PCDHGA3: variants seen among roughly 807,000 people sequenced by gnomAD.
PCDHGA3 encodes protocadherin gamma subfamily A, 3, also known as protocadherin gamma-A3.
Under a neutral mutation model 58.5 loss-of-function variants are expected in PCDHGA3, and 40 were observed. The observed-to-expected ratio is 0.68, with a 90% CI of 0.53 to 0.89. PCDHGA3 has a LOEUF of 0.89. Ranked by LOEUF, PCDHGA3 falls within the 40% of genes least tolerant of loss-of-function variation. The pLI, the probability that PCDHGA3 is intolerant of heterozygous loss-of-function variation, is 0.00. For synonymous variants in PCDHGA3, 530 were observed against 525.7 expected (o/e 1.01, Z -0.11); for missense variants, 1,223 against 1,195.9 (o/e 1.02, Z -0.33).
In PCDHGA3 at chr5:141,489,483, T is replaced by C. The variant is rs2099687756; in HGVS notation, c.2425-5324T>C. ...GCTATTTTTCCCTGAGCTTGATGAGTGGTGCCCTGGCAGTGAATCAAAAGA... is the reference window on the plus strand; with the variant it reads ...GCTATTTTTCCCTGAGCTTGATGAGCGGTGCCCTGGCAGTGAATCAAAAGA... On this transcript the variant is annotated intron_variant, in intron 1 of 3. Coordinates refer to ENST00000253812, the MANE Select transcript of PCDHGA3 (RefSeq NM_018916.4). This position sits in a 1 kb window ranked among gnomAD's most constrained non-coding sequence, Gnocchi z 4.5. 1 of 1,613,862 alleles carries C rather than the reference T, an allele frequency of 6.2e-7. No individual in the cohort carries two copies. The highest frequency in any genetic ancestry group is 1.1e-5 in the South Asian group (1 of 91,078).
At chr5:141,404,234 G>C (rs2094500908) in intron 1 of PCDHGA3, 1 of 1,613,652 alleles carries the variant, frequency 6.2e-7, no homozygotes, top group South Asian at 1.1e-5. Flanking sequence ...AACAGACAGA[G>C]GAACTCCGCC....
At chr5:141,503,133 C>A (rs1164077875) in intron 2 of PCDHGA3, among the ~76,000 whole-genome samples, 1 of 152,002 alleles carries the variant, frequency 6.6e-6, no homozygotes, top group Non-Finnish European at 1.5e-5. Context: ...CTGGTAGCCC[C>A]TGACACAGCC....
Position 141,372,509 on chromosome 5 carries a change from C to T in PCDHGA3, c.2424+26052C>T, listed in dbSNP as rs770630386. 11 of 1,614,056 alleles carry T rather than the reference C, an allele frequency of 6.8e-6. No homozygotes were observed. The South Asian group carries it at 9.9e-5, about 14-fold the overall frequency. On this transcript the variant is annotated intron_variant, in intron 1 of 3. Coordinates refer to ENST00000253812, the MANE Select transcript of PCDHGA3 (RefSeq NM_018916.4). Reference sequence around the variant, plus strand: ...CCTTGATCTCAGTGCTCTTCCTCCTCGCGGTGATTCTGGCAATCTCCCTGC... The same window carrying T: ...CCTTGATCTCAGTGCTCTTCCTCCTTGCGGTGATTCTGGCAATCTCCCTGC...
chr5:141,383,095 A>G, intron 1 of PCDHGA3: 1 of 1,613,956 alleles, frequency 6.2e-7, no homozygotes, highest in Non-Finnish European at 8.5e-7. Context: ...CGGAGTCCGC[A>G]TCATCTCCAG....
Position 141,491,733 on chromosome 5 carries a change from TG to T in PCDHGA3, c.2425-3069del. 6.2e-7 allele frequency: 1 copy of T among 1,602,698 alleles called. No individual in the cohort carries two copies. Among genetic ancestry groups the T allele is most frequent in the Non-Finnish European group, 8.5e-7 (1 of 1,175,258 alleles). On this transcript the variant is annotated intron_variant, in intron 1 of 3. Coordinates refer to ENST00000253812, the MANE Select transcript of PCDHGA3 (RefSeq NM_018916.4). This position sits in a 1 kb window ranked among gnomAD's most constrained non-coding sequence, Gnocchi z 6.9. ...GCTCGGCGCCGCCCCGGGCGACCCC[TG>T]GGGGCGGCACTGGAGAAGCCGCCCG...
Position 141,344,460 on chromosome 5 carries a change from G to A in PCDHGA3, c.427G>A (p.Gly143Ser), listed in dbSNP as rs750660913. 1.4e-5 allele frequency: 23 copies of A among 1,613,800 alleles called. No homozygotes were observed. The South Asian group carries it at 2.5e-4, about 18-fold the overall frequency. Residue 143 changes from glycine (G) to serine (S), a missense_variant, in exon 1 of 4, where the codon GGT becomes AGT. Physicochemically the swap from Gly to Ser is moderately conservative, Grantham distance 56 (BLOSUM62 0). This residue lies in a region of PCDHGA3 where 791 missense variants were observed against 708.5 expected (regional missense o/e 1.12). Transcript: ENST00000253812. ...AACAGAGGAATTGGAAATAAAAATT[G>A]GTGAACTAACGGTTCCTGGAACCCG... ...FPTEELEIKI[G>S]ELTVPGTRFP...
chr5:141,395,435 T>A, intron 1 of PCDHGA3: 1 of 680,384 alleles, frequency 1.5e-6, no homozygotes, highest in Non-Finnish European at 2.3e-6. Context: ...TTTAAACGAC[T>A]TGGAAAAGAT....
Position 141,487,810 on chromosome 5 carries a change from C to T in PCDHGA3, c.2425-6997C>T. 7.1e-7 allele frequency: 1 copy of T among 1,417,854 alleles called. No homozygotes were observed. 87.8% of individuals were successfully genotyped at this position (1,417,854 alleles called of 1,614,324 possible). ...ATTAACCAGAGTTGTCACAGTTTAG[C>T]ATTGGGGGCGGGTCATGCCTATATC... is the stretch of plus-strand genomic sequence containing the variant. On this transcript the variant is annotated intron_variant, in intron 1 of 3. Coordinates refer to ENST00000253812, the MANE Select transcript of PCDHGA3 (RefSeq NM_018916.4). This position sits in a 1 kb window ranked among gnomAD's most constrained non-coding sequence, Gnocchi z 5.0.
chr5:141,415,380 C>G (rs759710024), intron 1 of PCDHGA3: 1 of 1,614,250 alleles, frequency 6.2e-7, no homozygotes, highest in South Asian at 1.1e-5. Flanking sequence ...CAGGAGGCGG[C>G]TTGACAGGTG....
At chr5:141,372,616 C>T (rs1289157345) in intron 1 of PCDHGA3, 1 of 1,613,978 alleles carries the variant, frequency 6.2e-7, no homozygotes, top group African/African-American at 1.3e-5. Flanking sequence ...GGAGTTCTCC[C>T]CACCTACAGC....
chr5:141,419,479 C>A, intron 1 of PCDHGA3: 2 of 1,612,390 alleles, frequency 1.2e-6, no homozygotes, highest in Non-Finnish European at 1.7e-6. Flanking sequence ...AGGGCTCGCC[C>A]GCGCTCAGCG....
At position 141,511,963 on chromosome 5, in the gene PCDHGA3, AGT is replaced by A. The variant is rs1204123000; in HGVS notation, c.*796_*797del. On this transcript the variant is annotated 3_prime_UTR_variant, in exon 4 of 4. Transcript: ENST00000253812. ...ATGGGGTGGTAAGATAAGGAAGGGA[AGT>A]GTGTGGATGTGGATGGTGGGGGCAT... 1 of 153,636 alleles carries A rather than the reference AGT, an allele frequency of 6.5e-6. No individual in the cohort carries two copies. 9.5% of individuals were successfully genotyped at this position (153,636 alleles called of 1,614,324 possible).
intron 1 of PCDHGA3, chr5:141,360,485 T>C (rs751812912): frequency 1.2e-6 from 2 of 1,613,990 alleles, no homozygotes; most frequent in East Asian, 4.5e-5. Flanking sequence ...CTAAATATTT[T>C]CTACATAGCA....
chr5:141,348,217 T>C (rs1156609144), intron 1 of PCDHGA3, among the ~76,000 whole-genome samples: 1 of 152,160 alleles, frequency 6.6e-6, no homozygotes, highest in East Asian at 1.9e-4. Flanking sequence ...CTCAATATAT[T>C]AGGAAAAGGC....
intron 1 of PCDHGA3, among the ~76,000 whole-genome samples, chr5:141,460,997 G>A (rs1322943324): frequency 3.4e-5 from 5 of 147,290 alleles, no homozygotes; most frequent in Admixed American, 1.4e-4. Flanking sequence ...ATATATATAT[G>A]TGTATATATA....
intron 1 of PCDHGA3, chr5:141,383,629 C>T (rs769030453): frequency 6.2e-7 from 1 of 1,613,960 alleles, no homozygotes; most frequent in South Asian, 1.1e-5. Context: ...TGTCTTCTCT[C>T]TGCCTCAGTA....
intron 1 of PCDHGA3, chr5:141,478,841 A>G (rs1335486924): frequency 1.4e-5 from 19 of 1,405,590 alleles, no homozygotes; most frequent in Non-Finnish European, 1.8e-5. Flanking sequence ...GGGATGGTTA[A>G]GCTAAAACAC....
intron 1 of PCDHGA3, among the ~76,000 whole-genome samples, chr5:141,464,966 T>C (rs192224238): frequency 1.2e-3 from 178 of 152,274 alleles, no homozygotes; most frequent in Middle Eastern, 3.4e-3. Flanking sequence ...TGTCTTGAAC[T>C]ACTGGCTTCA....
At chr5:141,436,632 G>T (rs763510513) in intron 1 of PCDHGA3, among the ~76,000 whole-genome samples, 2 of 152,130 alleles carry the variant, frequency 1.3e-5, no homozygotes, top group Non-Finnish European at 2.9e-5. Context: ...TTCACAACAT[G>T]CAATTAATTA....
Sources: allele counts gnomAD v4.1 joint callset (sites outside exome capture counted in the v4.1 genomes callset), GRCh38; gene constraint gnomAD v4.1.1; regional missense constraint gnomAD v4.1.1; non-coding constraint Gnocchi (gnomAD v3.1); transcripts MANE v1.5; gene names NCBI Gene and HGNC (gene_info 2026-07-23, HGNC 2026-07-21).